NEURL4: variants seen among roughly 807,000 people sequenced by gnomAD.
NEURL4 encodes neuralized-like protein 4.
NEURL4 carries 45 observed loss-of-function variants against 148.0 expected under a neutral mutation model. The observed-to-expected ratio is 0.30, with a 90% CI of 0.24 to 0.39. The LOEUF (loss-of-function observed/expected upper bound fraction) is 0.39. Ranked by LOEUF, NEURL4 falls within the 10% of genes least tolerant of loss-of-function variation. The pLI is 1.00. For synonymous variants in NEURL4, 854 were observed against 869.0 expected (o/e 0.98, Z 0.30); for missense variants, 1,776 against 2,144.0 (o/e 0.83, Z 3.39).
Position 7,324,913 on chromosome 17 carries a change from G to C in NEURL4, c.1699C>G (p.Gln567Glu). 6.2e-7 allele frequency: 1 copy of C among 1,614,116 alleles called. No homozygotes were observed. The highest frequency in any genetic ancestry group is 8.5e-7 in the Non-Finnish European group (1 of 1,180,006). The change falls in exon 9 of 29, where the codon CAG becomes GAG. Residue 567 changes from glutamine (Q) to glutamate (E), a missense_variant. By Grantham distance (29) the Gln-to-Glu change is conservative (BLOSUM62 2). Coordinates refer to ENST00000399464, the MANE Select transcript of NEURL4 (RefSeq NM_032442.3). This position sits in a 1 kb window ranked among gnomAD's most constrained non-coding sequence, Gnocchi z 5.9. ...SRALRDGEVF[Q>E]VRIDKMVDKW... is the part of the protein sequence containing the mutation. Reference sequence around the variant, plus strand: ...TCCACCATCTTGTCGATGCGCACCTGGAACACCTCTCCATCCCGCAGGGCT... The same window carrying C: ...TCCACCATCTTGTCGATGCGCACCTCGAACACCTCTCCATCCCGCAGGGCT...
At position 7,316,229 on chromosome 17, in the gene NEURL4, G is replaced by A; in HGVS notation, c.4583C>T (p.Ala1528Val). The change falls in exon 29 of 29, where the codon GCC becomes GTC. Residue 1528 changes from alanine to valine, a missense_variant. Coordinates refer to ENST00000399464, the MANE Select transcript of NEURL4 (RefSeq NM_032442.3). The part of the protein sequence containing the change: ...GSYTPGPPSA[A>V]LGEPPDPHFS... ...GTGAGGGTCAGGAGGTTCTCCAAGGGCAGCGGAAGGGGGTCCCGGGGTGTA... is the reference window on the plus strand; with the variant it reads ...GTGAGGGTCAGGAGGTTCTCCAAGGACAGCGGAAGGGGGTCCCGGGGTGTA... 3 of 1,613,784 alleles carry A rather than the reference G, an allele frequency of 1.9e-6. No homozygotes were observed. Among genetic ancestry groups the A allele is most frequent in the Non-Finnish European group, 2.5e-6 (3 of 1,179,732 alleles).
intron 21 of NEURL4, among the ~76,000 whole-genome samples, chr17:7,320,346 G>C (rs1391690270): frequency 1.3e-5 from 2 of 152,162 alleles, no homozygotes; most frequent in East Asian, 1.9e-4. Context: ...TATTGCCTAG[G>C]CTGGTCGCGA....
Position 7,320,860 on chromosome 17 carries a change from T to C in NEURL4, c.3424A>G (p.Ile1142Val), listed in dbSNP as rs1298770177. The stretch of plus-strand genomic sequence containing the variant: ...GTACGGTTCCCATTAGACAAAAGGA[T>C]ATTCTTCCCATGGTTCTCCAGGAAC... Reference protein sequence around the residue: ...LEFLENHGKNILLSNGNRTAT... With the variant: ...LEFLENHGKNVLLSNGNRTAT... The change falls in exon 21 of 29, where the codon ATC (isoleucine) becomes GTC (valine). Residue 1142 changes from isoleucine (I) to valine (V), a missense_variant. Ile to Val is a conservative substitution (Grantham distance 29). Transcript: ENST00000399464. 1 of 1,613,960 alleles carries C rather than the reference T, an allele frequency of 6.2e-7. No individual in the cohort carries two copies. The highest frequency in any genetic ancestry group is 1.3e-5 in the African/African-American group (1 of 74,870).
In NEURL4 at chr17:7,324,303, AG is replaced by A. The variant is rs1267553491; in HGVS notation, c.1900-34del. On this transcript the variant is annotated intron_variant, in intron 10 of 28. Transcript: ENST00000399464. The surrounding 1 kb of genome is among the most constrained non-coding windows in gnomAD (Gnocchi z 5.9). ...GAAGGGGGTGCTGGAGTGAGGAGTC[AG>A]GCAGAGTTCCTGCCGGGGCTGGTCC... 3 of 1,613,200 alleles carry A rather than the reference AG, an allele frequency of 1.9e-6. No individual in the cohort carries two copies. The highest frequency in any genetic ancestry group is 1.6e-4 in the Middle Eastern group (1 of 6,084).
chr17:7,320,975 C>A (rs564211677), intron 20 of NEURL4, 52 bp from the exon 21 acceptor site: 1 of 1,605,872 alleles, frequency 6.2e-7, no homozygotes, highest in South Asian at 1.1e-5. Context: ...CCAGGACTGA[C>A]CCACCCCACT....
At position 7,325,267 on chromosome 17, in the gene NEURL4, G is replaced by A. The variant is rs1395124399; in HGVS notation, c.1573C>T (p.Pro525Ser). 1 of 1,608,186 alleles carries A rather than the reference G, an allele frequency of 6.2e-7. No individual in the cohort carries two copies. Among genetic ancestry groups the A allele is most frequent in the Admixed American group, 1.7e-5 (1 of 58,038 alleles). Reference sequence around the variant, plus strand: ...ATGGCTGCCTTCTGCCCACAGTTGGGGTGGAAGAGCAGGCGCTCAGGTTCT... The same window carrying A: ...ATGGCTGCCTTCTGCCCACAGTTGGAGTGGAAGAGCAGGCGCTCAGGTTCT... ...QAEPERLLFH[P>S]NCGQKAAITH... is the part of the protein sequence containing the mutation. The change falls in exon 8 of 29, where the codon CCC becomes TCC. Residue 525 changes from proline to serine, a missense_variant. Coordinates refer to ENST00000399464, the MANE Select transcript of NEURL4 (RefSeq NM_032442.3).
Position 7,327,212 on chromosome 17 carries a change from G to A in NEURL4, c.746C>T (p.Ala249Val), listed in dbSNP as rs758964987. Residue 249 changes from alanine (A) to valine (V), a missense_variant, in exon 3 of 29, where the codon GCG (alanine) becomes GTG (valine). Transcript: ENST00000399464. This position sits in a 1 kb window ranked among gnomAD's most constrained non-coding sequence, Gnocchi z 6.6. ...SADEAFMVSP[A>V]QARPETFPNS... The stretch of plus-strand genomic sequence containing the variant: ...AGGAAACGTCTCCGGCCGGGCCTGC[G>A]CTGGGGACACCATGAAGGCTGGGGA... The A allele has an allele frequency of 2.4e-5, 39 of 1,610,954 alleles. No homozygotes were observed. The highest frequency in any genetic ancestry group is 2.7e-5 in the African/African-American group (2 of 74,884).
chr17:7,320,275 G>A (rs991811030), intron 21 of NEURL4, among the ~76,000 whole-genome samples: 1 of 152,078 alleles, frequency 6.6e-6, no homozygotes, highest in African/African-American at 2.4e-5. Context: ...TGGGATTACA[G>A]GCTCGTGCCA....
Position 7,327,409 on chromosome 17 carries a change from C to A in NEURL4, c.727+31G>T. 1 of 1,520,272 alleles carries A rather than the reference C, an allele frequency of 6.6e-7. No individual in the cohort carries two copies. Among genetic ancestry groups the A allele is most frequent in the Non-Finnish European group, 8.9e-7 (1 of 1,126,084 alleles). The allele number at this position is 1,520,272 out of a possible 1,614,324, so 94.2% of individuals were successfully genotyped here. ...TCTATTTCCCCCATTCCGTCCCCAC[C>A]CCACCACCACTGCCCTAGCTGTGTT... On this transcript the variant is annotated intron_variant, in intron 2 of 28. Coordinates refer to ENST00000399464, the MANE Select transcript of NEURL4 (RefSeq NM_032442.3). This position sits in a 1 kb window ranked among gnomAD's most constrained non-coding sequence, Gnocchi z 6.6.
intron 28 of NEURL4, 40 bp downstream of exon 28, chr17:7,317,165 G>A (rs1433505798): frequency 1.4e-6 from 2 of 1,429,392 alleles, no homozygotes; most frequent in Non-Finnish European, 9.3e-7. Flanking sequence ...CTCTCCATCC[G>A]AGCCCCTGGA....
Position 7,324,650 on chromosome 17 carries a change from A to C in NEURL4, c.1813+149T>G. The C allele has an allele frequency of 9.5e-7, 1 of 1,057,826 alleles. No individual in the cohort carries two copies. Among genetic ancestry groups the C allele is most frequent in the Non-Finnish European group, 1.4e-6 (1 of 717,292 alleles). The allele number at this position is 1,057,826 out of a possible 1,614,324, so 65.5% of individuals were successfully genotyped here. Reference sequence around the variant, plus strand: ...AAACTCTGCAGCTTCCAAGACAGCCACAGCCCTGCCCACGGGACACTCTCT... The same window carrying C: ...AAACTCTGCAGCTTCCAAGACAGCCCCAGCCCTGCCCACGGGACACTCTCT... On this transcript the variant is annotated intron_variant, in intron 9 of 28. Transcript: ENST00000399464. This position sits in a 1 kb window ranked among gnomAD's most constrained non-coding sequence, Gnocchi z 5.9.
Position 7,321,764 on chromosome 17 carries a change from C to G in NEURL4, c.2895G>C (p.Glu965Asp), listed in dbSNP as rs950163373. The change falls in exon 18 of 29, where the codon GAG (glutamate) becomes GAC (aspartate). Residue 965 changes from glutamate to aspartate, a missense_variant. Coordinates refer to ENST00000399464, the MANE Select transcript of NEURL4 (RefSeq NM_032442.3). This position sits in a 1 kb window ranked among gnomAD's most constrained non-coding sequence, Gnocchi z 6.3. ...VFEVKVEELD[E>D]KWAGSLRLGL... The stretch of plus-strand genomic sequence containing the variant: ...CCAGCCGCAGGGAACCTGCCCACTT[C>G]TCATCTAGCTCTTCCACTTTCACCT... 6 of 1,613,388 alleles carry G rather than the reference C, an allele frequency of 3.7e-6. No homozygotes were observed. Among genetic ancestry groups the G allele is most frequent in the Non-Finnish European group, 5.1e-6 (6 of 1,179,916 alleles).
In NEURL4 at chr17:7,324,687, G is replaced by C; in HGVS notation, c.1813+112C>G. On this transcript the variant is annotated intron_variant, in intron 9 of 28. Transcript: ENST00000399464. The surrounding 1 kb of genome is among the most constrained non-coding windows in gnomAD (Gnocchi z 5.9). The stretch of plus-strand genomic sequence containing the variant: ...ACGGGACACTCTCTAGCCACTGAAT[G>C]AGTGGTCACAAGAGTGACAAGTGAA... 1.6e-6 allele frequency: 2 copies of C among 1,248,284 alleles called. No homozygotes were observed. The highest frequency in any genetic ancestry group is 2.3e-6 in the Non-Finnish European group (2 of 870,058). The allele number at this position is 1,248,284 out of a possible 1,614,324, so 77.3% of individuals were successfully genotyped here.
rs1220666850 is a variant in NEURL4, at chr17:7,321,014, C to T, written c.3361-91G>A. ...GTTTGCACAGATCCTGAGTGTGAGC[C>T]TCCACCCAACGATCAGAGAACCCAG... On this transcript the variant is annotated intron_variant, in intron 20 of 28. Coordinates refer to ENST00000399464, the MANE Select transcript of NEURL4 (RefSeq NM_032442.3). The surrounding 1 kb of genome is among the most constrained non-coding windows in gnomAD (Gnocchi z 6.3). The T allele has an allele frequency of 6.3e-7, 1 of 1,590,734 alleles. No individual in the cohort carries two copies. The highest frequency in any genetic ancestry group is 8.6e-7 in the Non-Finnish European group (1 of 1,165,618).
In NEURL4 at chr17:7,322,638, C is replaced by G; in HGVS notation, c.2725+97G>C. On this transcript the variant is annotated intron_variant, in intron 16 of 28. Transcript: ENST00000399464. The surrounding 1 kb of genome is among the most constrained non-coding windows in gnomAD (Gnocchi z 5.5). ...CCCTGGAGCCGGCAGCTACCCCAGC[C>G]AACCGTCTTTGCAGAACCTCTCTAA... 6.7e-7 allele frequency: 1 copy of G among 1,499,598 alleles called. No homozygotes were observed. Among genetic ancestry groups the G allele is most frequent in the Non-Finnish European group, 9.0e-7 (1 of 1,109,008 alleles). The allele number at this position is 1,499,598 out of a possible 1,614,324, so 92.9% of individuals were successfully genotyped here. A position where few individuals can be genotyped will look rare whatever the true frequency, so the allele number is the denominator to read the frequency against.
rs758231541 is a variant in NEURL4, at chr17:7,327,692, C to A, written c.475G>T (p.Val159Leu). The change falls in exon 2 of 29, where the codon GTG becomes TTG. Residue 159 changes from valine to leucine, a missense_variant. By Grantham distance (32) the Val-to-Leu change is conservative (BLOSUM62 1). Coordinates refer to ENST00000399464, the MANE Select transcript of NEURL4 (RefSeq NM_032442.3). The surrounding 1 kb of genome is among the most constrained non-coding windows in gnomAD (Gnocchi z 6.6). ...DLDQLGEGDR[V>L]GVERTVAGEL... ...CCAGCAACTGTGCGCTCCACGCCCA[C>A]GCGGTCCCCTTCACCAAGCTGGTCC... 4.3e-6 allele frequency: 7 copies of A among 1,613,942 alleles called. No individual in the cohort carries two copies. Among genetic ancestry groups the A allele is most frequent in the Non-Finnish European group, 5.9e-6 (7 of 1,180,038 alleles).
At chr17:7,319,274 C>T (rs1423322105) in intron 21 of NEURL4, 66 bp from the exon 22 acceptor site, 1 of 1,456,150 alleles carries the variant, frequency 6.9e-7, no homozygotes, top group East Asian at 2.3e-5. Flanking sequence ...GCACCCCAGC[C>T]AGAGAGGGAA....
rs200004806 is a variant in NEURL4, at chr17:7,321,886, C to T, written c.2850G>A (p.Leu950=). The T allele has an allele frequency of 1.1e-3, 1,714 of 1,613,922 alleles. 31 individuals carry two copies. In the South Asian group the frequency reaches 0.018, roughly 17 times the overall value. ...AHGLVFSTKE[L]RAEEVFEVKV... is the part of the protein sequence containing the mutation. ...CTACCTCAAAGACTTCCTCAGCCCT[C>T]AGCTCCTTGGTACTGAAGACAAGGC... Residue 950 remains leucine, a synonymous_variant, in exon 17 of 29, where the codon CTG becomes CTA. Coordinates refer to ENST00000399464, the MANE Select transcript of NEURL4 (RefSeq NM_032442.3). This position sits in a 1 kb window ranked among gnomAD's most constrained non-coding sequence, Gnocchi z 6.3.
At position 7,327,959 on chromosome 17, in the gene NEURL4, C is replaced by G. The variant is rs2073125520; in HGVS notation, c.283-75G>C. 7 of 1,177,620 alleles carry G rather than the reference C, an allele frequency of 5.9e-6. No homozygotes were observed. The highest frequency in any genetic ancestry group is 8.2e-6 in the Non-Finnish European group (7 of 850,052). The allele number at this position is 1,177,620 out of a possible 1,614,324, so 72.9% of individuals were successfully genotyped here. A position where few individuals can be genotyped will look rare whatever the true frequency, so the allele number is the denominator to read the frequency against. On this transcript the variant is annotated intron_variant, in intron 1 of 28. Transcript: ENST00000399464. This position sits in a 1 kb window ranked among gnomAD's most constrained non-coding sequence, Gnocchi z 6.6. ...CACAGGCCACCATATCTTCCCACCT[C>G]TCAGACAGCTAGCTGGCTTTCTGTC... is the stretch of plus-strand genomic sequence containing the variant.
Sources: gnomAD v4.1 joint callset for allele counts (sites outside exome capture counted in the v4.1 genomes callset) on GRCh38, gnomAD v4.1.1 for gene constraint, Gnocchi (gnomAD v3.1) non-coding constraint, MANE v1.5 for transcripts, NCBI Gene and HGNC (gene_info 2026-07-23, HGNC 2026-07-21) for gene names.